The following NEGR1 variants were observed in gnomAD, a reference collection of about 807,000 sequenced individuals.
NEGR1 encodes IgLON family member 4.
NEGR1 carries 10 observed loss-of-function variants against 40.9 expected under a neutral mutation model. That is an observed-to-expected ratio of 0.24 (90% confidence interval 0.15 to 0.42). The LOEUF is 0.42. NEGR1 is among the 10% of genes least tolerant of loss of function. NEGR1 has a pLI of 1.00. For synonymous variants in NEGR1, 185 were observed against 166.8 expected (o/e 1.11, Z -0.84); for missense variants, 352 against 438.9 (o/e 0.80, Z 1.77).
At chr1:72,087,572 A>G (rs1648276320) in intron 1 of NEGR1, among the ~76,000 whole-genome samples, 1 of 151,780 alleles carries the variant, frequency 6.6e-6, no homozygotes, top group Non-Finnish European at 1.5e-5. Flanking sequence ...ACAACAGTAT[A>G]ACTCTATAAG....
intron 2 of NEGR1, among the ~76,000 whole-genome samples, chr1:71,923,387 A>T (rs74463472): frequency 0.052 from 7,851 of 151,048 alleles, 506 homozygotes; most frequent in African/African-American, 0.16. Flanking sequence ...TCTCTCTCTC[A>T]CACACACACA....
intron 1 of NEGR1, among the ~76,000 whole-genome samples, chr1:72,199,678 T>G (rs1653132319): frequency 6.6e-6 from 1 of 152,044 alleles, no homozygotes; most frequent in Non-Finnish European, 1.5e-5. Flanking sequence ...AATTGCAATA[T>G]GCATTTTTAA....
intron 2 of NEGR1, among the ~76,000 whole-genome samples, chr1:71,867,353 C>T (rs1280674319): frequency 1.3e-5 from 2 of 152,048 alleles, no homozygotes; most frequent in South Asian, 2.1e-4. Context: ...CCACCCTGGG[C>T]GAAAGAGTGA....
chr1:71,687,901 T>C (rs1180702448), intron 4 of NEGR1, among the ~76,000 whole-genome samples: 1 of 152,178 alleles, frequency 6.6e-6, no homozygotes. Flanking sequence ...TTCCATGAAT[T>C]CCATGAATTA....
chr1:71,964,822 A>G, intron 1 of NEGR1, among the ~76,000 whole-genome samples: 1 of 105,172 alleles, frequency 9.5e-6, no homozygotes, highest in Non-Finnish European at 1.8e-5. Context: ...ATATAATCAC[A>G]TTAAAAAAAA....
intron 1 of NEGR1, among the ~76,000 whole-genome samples, chr1:72,207,714 G>A (rs906068969): frequency 5.9e-5 from 9 of 151,608 alleles, no homozygotes; most frequent in Admixed American, 1.3e-4. Context: ...ATGTATCATC[G>A]TGCTCAGTAT....
intron 6 of NEGR1, among the ~76,000 whole-genome samples, chr1:71,422,066 C>T (rs1353578463): frequency 2.0e-5 from 3 of 151,920 alleles, no homozygotes; most frequent in Non-Finnish European, 4.4e-5. Flanking sequence ...CACATGTGAA[C>T]GAGATGATAT....
chr1:71,510,363 T>G (rs1647064615), intron 6 of NEGR1, among the ~76,000 whole-genome samples: 1 of 152,146 alleles, frequency 6.6e-6, no homozygotes, highest in South Asian at 2.1e-4. Context: ...TCAAAAGGTT[T>G]AGATGAAAAT....
At chr1:71,815,455 T>C (rs1281435485) in intron 2 of NEGR1, among the ~76,000 whole-genome samples, 9 of 152,082 alleles carry the variant, frequency 5.9e-5, no homozygotes. Flanking sequence ...AAGTCCTAAA[T>C]ATCCTTGTTA....
chr1:71,507,557 A>C (rs965986874), intron 6 of NEGR1, among the ~76,000 whole-genome samples: 14 of 152,178 alleles, frequency 9.2e-5, no homozygotes, highest in African/African-American at 3.4e-4. Flanking sequence ...CCATGGGAGG[A>C]AGACCTCCCA....
intron 6 of NEGR1, among the ~76,000 whole-genome samples, chr1:71,478,890 A>G (rs1280292263): frequency 6.6e-6 from 1 of 151,986 alleles, no homozygotes; most frequent in African/African-American, 2.4e-5. Context: ...AGTGACACAT[A>G]GAGTGACACT....
At position 72,079,031 on chromosome 1, in the gene NEGR1, A is replaced by G. The variant is rs1647872168; in HGVS notation, c.177-143720T>C. ...TCAAATGATAAATGAGGTTATTTAG[A>G]TTTTAAACAAATGAGCAAATTTAAT... is the stretch of plus-strand genomic sequence containing the variant. On this transcript the variant is annotated intron_variant, in intron 1 of 6. Coordinates refer to ENST00000357731, the MANE Select transcript of NEGR1 (RefSeq NM_173808.3). Among the ~76,000 whole-genome samples, 3 of 150,556 alleles carry G rather than the reference A, an allele frequency of 2.0e-5. 1 individual carries two copies. The highest frequency in any genetic ancestry group is 4.9e-5 in the African/African-American group (2 of 41,146).
chr1:71,822,749 A>G (rs944670754), intron 2 of NEGR1, among the ~76,000 whole-genome samples: 9 of 151,966 alleles, frequency 5.9e-5, no homozygotes. Context: ...CAGTTCCACT[A>G]TTAAAGGCTC....
intron 6 of NEGR1, among the ~76,000 whole-genome samples, chr1:71,499,719 T>C (rs1164395790): frequency 2.0e-5 from 3 of 151,970 alleles, no homozygotes; most frequent in Non-Finnish European, 4.4e-5. Context: ...AGATGTTCAC[T>C]ACCAATCAAT....
chr1:71,970,562 C>CT (rs1646247618), intron 1 of NEGR1, among the ~76,000 whole-genome samples: 1 of 151,832 alleles, frequency 6.6e-6, no homozygotes, highest in Non-Finnish European at 1.5e-5. Flanking sequence ...CATGGTAGTG[C>CT]GTGCCTGTAG....
At chr1:71,981,372 G>A (rs909883776) in intron 1 of NEGR1, among the ~76,000 whole-genome samples, 1 of 152,124 alleles carries the variant, frequency 6.6e-6, no homozygotes, top group Admixed American at 6.5e-5. Flanking sequence ...TCAGAAAGCA[G>A]AAGCCTCCTT....
At chr1:71,482,120 T>A (rs1646857814) in intron 6 of NEGR1, among the ~76,000 whole-genome samples, 1 of 151,886 alleles carries the variant, frequency 6.6e-6, no homozygotes, top group Non-Finnish European at 1.5e-5. Flanking sequence ...CCCCTGCTTA[T>A]TTTTTAAAGC....
At chr1:71,669,793 G>A (rs1652358576) in intron 4 of NEGR1, among the ~76,000 whole-genome samples, 1 of 152,038 alleles carries the variant, frequency 6.6e-6, no homozygotes, top group African/African-American at 2.4e-5. Flanking sequence ...TGGGATTACA[G>A]GCATGTGCCG....
chr1:72,143,055 C>A (rs959639883), intron 1 of NEGR1, among the ~76,000 whole-genome samples: 2 of 151,852 alleles, frequency 1.3e-5, no homozygotes, highest in Non-Finnish European at 2.9e-5. Flanking sequence ...GTGAGCAATA[C>A]TGTTCTGATG....
Sources: allele counts gnomAD v4.1 joint callset (sites outside exome capture counted in the v4.1 genomes callset), GRCh38; gene constraint gnomAD v4.1.1; transcripts MANE v1.5; gene names NCBI Gene and HGNC (gene_info 2026-07-23, HGNC 2026-07-21).